CENPF: variants seen among roughly 807,000 people sequenced by gnomAD.
CENPF encodes centromere protein F.
In CENPF, 214 loss-of-function variants were observed where a neutral mutation model predicts 307.3. That is an observed-to-expected ratio of 0.70 (90% CI 0.62 to 0.78). The LOEUF (loss-of-function observed/expected upper bound fraction) is 0.78, where lower values mean the gene tolerates loss of function less well. Among genes scored for constraint, CENPF ranks in the 30% least tolerant of loss-of-function variants. The pLI, the probability that CENPF is intolerant of heterozygous loss-of-function variation, is 0.00. For synonymous variants in CENPF, 1,259 were observed against 1,270.6 expected, an observed-to-expected ratio of 0.99 and a Z score of 0.19; for missense variants, 3,401 against 3,483.9, an observed-to-expected ratio of 0.98 and a Z score of 0.60.
At chr1:214,617,386 G>A (rs1356500604) in intron 3 of CENPF, among the ~76,000 whole-genome samples, 1 of 152,120 alleles carries the variant, frequency 6.6e-6, no homozygotes, top group East Asian at 1.9e-4. Context: ...ATATGTCACG[G>A]CAAAGAGACT....
At chr1:214,611,105 G>C (rs981131225) in intron 1 of CENPF, among the ~76,000 whole-genome samples, 20 of 152,084 alleles carry the variant, frequency 1.3e-4, no homozygotes, top group African/African-American at 4.8e-4. Flanking sequence ...GTTTGAAGTA[G>C]GGTAACATGT....
Position 214,645,433 on chromosome 1 carries a change from G to T in CENPF, c.5863G>T (p.Val1955Leu), listed in dbSNP as rs1256365720. 1.5e-5 allele frequency: 25 copies of T among 1,613,926 alleles called. No individual in the cohort carries two copies. The highest frequency in any genetic ancestry group is 2.1e-5 in the Non-Finnish European group (25 of 1,179,962). The change falls in exon 13 of 20, where the codon GTG becomes TTG. Residue 1955 changes from valine (V) to leucine (L), a missense_variant. By Grantham distance (32) the Val-to-Leu change is conservative. Transcript: ENST00000366955. Reference sequence around the variant, plus strand: ...TGTCTGCCTTGAAGAAGAACTCTCAGTGGTCACAAGTGAGAGAAACCAGCT... The same window carrying T: ...TGTCTGCCTTGAAGAAGAACTCTCATTGGTCACAAGTGAGAGAAACCAGCT... Reference protein sequence around the residue: ...VIVCLEEELSVVTSERNQLRG... With the variant: ...VIVCLEEELSLVTSERNQLRG...
At position 214,624,910 on chromosome 1, in the gene CENPF, C is replaced by G. The variant is rs138733685; in HGVS notation, c.1068+2629C>G. 1.4e-3 allele frequency among the ~76,000 whole-genome samples: 212 copies of G among 152,036 alleles called. 2 individuals carry two copies. Among genetic ancestry groups the G allele is most frequent in the African/African-American group, 4.9e-3 (205 of 41,444 alleles). On this transcript the variant is annotated intron_variant, in intron 7 of 19. Transcript: ENST00000366955. Reference sequence around the variant, plus strand: ...GTCCCCACCTATAACTGTGATTTGTCTGTTTCTCCTTTGATTTCTTCCAGT... The same window carrying G: ...GTCCCCACCTATAACTGTGATTTGTGTGTTTCTCCTTTGATTTCTTCCAGT...
rs115144504 is a variant in CENPF at position 214,629,344 on chromosome 1, T to C, written c.1194+173T>C. Among the ~76,000 whole-genome samples, 3,102 of 152,254 alleles carry C rather than the reference T, an allele frequency of 0.02. 46 individuals are homozygous for C. The highest frequency in any genetic ancestry group is 0.043 in the African/African-American group (1,779 of 41,546). On this transcript the variant is annotated intron_variant, in intron 8 of 19. Coordinates refer to ENST00000366955, the MANE Select transcript of CENPF (RefSeq NM_016343.4). ...TTCTTTCACATCTTCACTTTTGCGCTTTTTTTAAATCTTTCAGTTTTTGAT... is the reference window on the plus strand; with the variant it reads ...TTCTTTCACATCTTCACTTTTGCGCCTTTTTTAAATCTTTCAGTTTTTGAT...
Position 214,657,049 on chromosome 1 carries a change from C to T in CENPF, c.8602C>T (p.Leu2868Phe), listed in dbSNP as rs763712663. Residue 2868 changes from leucine to phenylalanine, a missense_variant, in exon 18 of 20, where the codon CTT (leucine) becomes TTT (phenylalanine). Physicochemically the swap from Leu to Phe is conservative, Grantham distance 22 (BLOSUM62 0). Transcript: ENST00000366955. ...DEYLDKYCSL[L>F]ISHEKLEKAK... ...ATACTTGGATAAGTACTGTTCCTTG[C>T]TTATAAGCCATGAAAAGTTAGAGAA... 5.6e-6 allele frequency: 9 copies of T among 1,613,984 alleles called. No homozygotes were observed. The highest frequency in any genetic ancestry group is 7.6e-6 in the Non-Finnish European group (9 of 1,180,006).
In CENPF at chr1:214,642,770, T is replaced by C. The variant is rs1475630998; in HGVS notation, c.4432T>C (p.Ser1478Pro). The C allele has an allele frequency of 6.2e-7, 1 of 1,613,978 alleles. No homozygotes were observed. Among genetic ancestry groups the C allele is most frequent in the Non-Finnish European group, 8.5e-7 (1 of 1,179,944 alleles). The part of the protein sequence containing the change: ...LEEGLVPSLS[S>P]SCVPDSSSLS... ...GGAGGGGCTCGTTCCATCCCTGTCA[T>C]CCTCTTGTGTGCCTGACAGCTCTAG... The change falls in exon 12 of 20, where the codon TCC becomes CCC. Residue 1478 changes from serine to proline, a missense_variant. By Grantham distance (74) the Ser-to-Pro change is moderately conservative (BLOSUM62 -1). Coordinates refer to ENST00000366955, the MANE Select transcript of CENPF (RefSeq NM_016343.4).
chr1:214,603,814 C>T (rs1438820503), intron 1 of CENPF, among the ~76,000 whole-genome samples: 1 of 147,106 alleles, frequency 6.8e-6, no homozygotes, highest in Non-Finnish European at 1.5e-5. Context: ...TCTTCTTCCT[C>T]CCGTCCACAT....
intron 5 of CENPF, 36 bp from the exon 6 acceptor site, chr1:214,620,619 T>C: frequency 6.4e-7 from 1 of 1,561,264 alleles, no homozygotes; most frequent in Non-Finnish European, 8.6e-7. Flanking sequence ...GTATATAAGA[T>C]CTTTAAAGGC....
At chr1:214,627,427 G>A (rs1015457966) in intron 7 of CENPF, among the ~76,000 whole-genome samples, 18 of 134,672 alleles carry the variant, frequency 1.3e-4, no homozygotes, top group Non-Finnish European at 2.6e-4. Flanking sequence ...AGGCTTGAGT[G>A]CAATGGTGCA....
rs529477214 is a variant in CENPF at position 214,606,273 on chromosome 1, C to T, written c.-42+2952C>T. On this transcript the variant is annotated intron_variant, in intron 1 of 19. Transcript: ENST00000366955. Reference sequence around the variant, plus strand: ...CTCAACACCGCGGCGGTGGGCGAAGCCAGCGGCCCCACCCCGTTCCCTGGC... The same window carrying T: ...CTCAACACCGCGGCGGTGGGCGAAGTCAGCGGCCCCACCCCGTTCCCTGGC... 8.7e-3 allele frequency among the ~76,000 whole-genome samples: 1,329 copies of T among 152,210 alleles called. 18 individuals carry two copies. Among genetic ancestry groups the T allele is most frequent in the African/African-American group, 0.029 (1,223 of 41,550 alleles).
chr1:214,644,165 G>C (rs1030338706), intron 12 of CENPF, among the ~76,000 whole-genome samples: 11 of 152,232 alleles, frequency 7.2e-5, no homozygotes, highest in African/African-American at 2.7e-4. Flanking sequence ...CCTTATTAAA[G>C]AGTATCATAA....
intron 9 of CENPF, 106 bp downstream of exon 9, chr1:214,630,768 T>G: frequency 1.8e-5 from 24 of 1,361,834 alleles, no homozygotes; most frequent in Non-Finnish European, 2.3e-5. Flanking sequence ...GAAAAAGCGC[T>G]CCACCTTCAC....
At chr1:214,653,535 C>T (rs1461319346) in intron 16 of CENPF, 1 of 154,434 alleles carries the variant, frequency 6.5e-6, no homozygotes, top group Admixed American at 6.5e-5. Flanking sequence ...CAAGATGGTA[C>T]CACTGTAATT....
chr1:214,637,566 T>C, intron 10 of CENPF, among the ~76,000 whole-genome samples: 1 of 152,176 alleles, frequency 6.6e-6, no homozygotes. Context: ...TTGAGGATCT[T>C]GTAGATAGGA....
intron 17 of CENPF, 99 bp from the exon 18 acceptor site, chr1:214,656,833 AT>A: frequency 1.2e-6 from 1 of 814,216 alleles, no homozygotes; most frequent in Non-Finnish European, 1.9e-6. Flanking sequence ...AAAAAAAAAA[AT>A]CAAAGAAAGA....
chr1:214,653,312 G>A (rs898479746), intron 16 of CENPF, among the ~76,000 whole-genome samples: 5 of 152,250 alleles, frequency 3.3e-5, no homozygotes, highest in Non-Finnish European at 5.9e-5. Flanking sequence ...ACAGTCTGAC[G>A]GGCAATTCCA....
Position 214,662,790 on chromosome 1 carries a change from A to AT in CENPF, c.9142-788dup, listed in dbSNP as rs1012634616. Among the ~76,000 whole-genome samples the AT allele has an allele frequency of 3.5e-3, 508 of 144,550 alleles. 2 individuals carry two copies. The highest frequency in any genetic ancestry group is 8.2e-3 in the African/African-American group (326 of 39,696). 94.8% of individuals were successfully genotyped at this position (144,550 alleles called of 152,430 possible). On this transcript the variant is annotated intron_variant, in intron 19 of 19. Transcript: ENST00000366955. Reference sequence around the variant, plus strand: ...TTTTTTCACTACTATATAAATTTCAATTTTTTTTTTTTTAAATCTTGCTCT... The same window carrying AT: ...TTTTTTCACTACTATATAAATTTCAATTTTTTTTTTTTTTAAATCTTGCTCT...
intron 1 of CENPF, among the ~76,000 whole-genome samples, chr1:214,609,706 A>G (rs1657149692): frequency 6.6e-6 from 1 of 152,108 alleles, no homozygotes; most frequent in Non-Finnish European, 1.5e-5. Context: ...CTAATACTCA[A>G]TAGTTATTTT....
rs768150986 is a variant in CENPF, at chr1:214,641,243, A to G, written c.2905A>G (p.Ile969Val). 3.7e-6 allele frequency: 6 copies of G among 1,601,896 alleles called. No homozygotes were observed. In the Admixed American group the frequency reaches 1.1e-4, roughly 28 times the overall value. Reference protein sequence around the residue: ...SSIISLNKREIEELTQENGTL... With the variant: ...SSIISLNKREVEELTQENGTL... Reference sequence around the variant, plus strand: ...CATCATTTCTCTAAATAAAAGGGAAATTGAAGAGCTGACCCAAGAGAATGG... The same window carrying G: ...CATCATTTCTCTAAATAAAAGGGAAGTTGAAGAGCTGACCCAAGAGAATGG... Residue 969 changes from isoleucine to valine, a missense_variant, in exon 12 of 20, where the codon ATT becomes GTT. Transcript: ENST00000366955.
Sources: allele counts gnomAD v4.1 joint callset (sites outside exome capture counted in the v4.1 genomes callset), GRCh38; gene constraint gnomAD v4.1.1; transcripts MANE v1.5; gene names NCBI Gene and HGNC (gene_info 2026-07-23, HGNC 2026-07-21).